Variants in PCDH15 observed in about 807,000 individuals in gnomAD.
The protein encoded by PCDH15 is protocadherin-15.
A neutral mutation model predicts 178.5 loss-of-function variants in PCDH15; 129 were observed. The observed-to-expected ratio is 0.72, with a 90% CI of 0.63 to 0.84. The LOEUF is 0.84. Among genes scored for constraint, PCDH15 ranks in the 40% least tolerant of loss-of-function variants. PCDH15 has a pLI of 0.00. For missense variants in PCDH15, 2,230 were observed against 2,099.9 expected (o/e 1.06, Z -1.21); for synonymous variants, 800 against 732.0 (o/e 1.09, Z -1.50).
chr10:54,827,640 A>C (rs888447609), intron 3 of PCDH15, among the ~76,000 whole-genome samples: 1 of 152,086 alleles, frequency 6.6e-6, no homozygotes, highest in African/African-American at 2.4e-5. Context: ...TCAACATAGA[A>C]GATCTGGCAG....
chr10:54,160,788 A>C (rs1429356179), intron 13 of PCDH15, among the ~76,000 whole-genome samples: 1 of 152,210 alleles, frequency 6.6e-6, no homozygotes, highest in African/African-American at 2.4e-5. Context: ...TAAATGGCTA[A>C]TAAGCACATG....
chr10:55,040,035 A>C (rs118009072), intron 2 of PCDH15, among the ~76,000 whole-genome samples: 3 of 152,192 alleles, frequency 2.0e-5, no homozygotes, highest in Non-Finnish European at 4.4e-5. Context: ...AATTACCCAA[A>C]TTTAACATAA....
At chr10:54,574,830 G>T (rs1487805736) in intron 2 of PCDH15, among the ~76,000 whole-genome samples, 1 of 145,022 alleles carries the variant, frequency 6.9e-6, no homozygotes, top group African/African-American at 2.5e-5. Context: ...AAATCATGCT[G>T]CTATAAAGAC....
At chr10:55,069,398 G>C (rs1358171238) in intron 2 of PCDH15, among the ~76,000 whole-genome samples, 6 of 146,668 alleles carry the variant, frequency 4.1e-5, no homozygotes, top group Non-Finnish European at 7.5e-5. Flanking sequence ...TTTAGCATTA[G>C]GTGTATCTCC....
chr10:55,453,701 C>T (rs1839484509), intron 2 of PCDH15, among the ~76,000 whole-genome samples: 1 of 152,074 alleles, frequency 6.6e-6, no homozygotes, highest in Non-Finnish European at 1.5e-5. Context: ...GACTATAGGG[C>T]CCTTTCCACA....
chr10:54,556,578 CTT>C (rs768469030), intron 2 of PCDH15, among the ~76,000 whole-genome samples: 1 of 141,464 alleles, frequency 7.1e-6, no homozygotes, highest in African/African-American at 2.6e-5. Flanking sequence ...TTACAAAACA[CTT>C]TTTTTTTTTC....
chr10:54,285,398 T>C (rs899966237), intron 8 of PCDH15, among the ~76,000 whole-genome samples: 1 of 151,980 alleles, frequency 6.6e-6, no homozygotes, highest in Non-Finnish European at 1.5e-5. Flanking sequence ...AATAACCTGA[T>C]TAAACAATGG....
chr10:54,229,481 C>T (rs537565360), intron 9 of PCDH15, among the ~76,000 whole-genome samples: 2 of 152,166 alleles, frequency 1.3e-5, no homozygotes, highest in Non-Finnish European at 2.9e-5. Flanking sequence ...TTGGCTGTGT[C>T]CCCACCCAAA....
intron 1 of PCDH15, among the ~76,000 whole-genome samples, chr10:55,284,938 A>G (rs1010931971): frequency 1.3e-5 from 2 of 148,990 alleles, no homozygotes; most frequent in Admixed American, 1.3e-4. Flanking sequence ...AGAAATAGTC[A>G]AAGACGGTAT....
intron 2 of PCDH15, among the ~76,000 whole-genome samples, chr10:54,553,579 G>A (rs2086846442): frequency 6.6e-6 from 1 of 152,124 alleles, no homozygotes; most frequent in Non-Finnish European, 1.5e-5. Flanking sequence ...GGCCAGACAT[G>A]GATCCTGATA....
intron 2 of PCDH15, among the ~76,000 whole-genome samples, chr10:55,019,942 C>CTT (rs34849570): frequency 0.57 from 85,960 of 151,088 alleles, 24,774 homozygotes; most frequent in East Asian, 0.75. Flanking sequence ...AAAAGAAACT[C>CTT]TACTACTCTT....
At chr10:53,927,641 A>G (rs1253674314) in intron 25 of PCDH15, among the ~76,000 whole-genome samples, 1 of 152,128 alleles carries the variant, frequency 6.6e-6, no homozygotes, top group African/African-American at 2.4e-5. Flanking sequence ...CATCAAACAT[A>G]ATTTACTAGA....
intron 32 of PCDH15, among the ~76,000 whole-genome samples, chr10:53,826,094 A>G (rs933038928): frequency 1.3e-5 from 2 of 151,808 alleles, no homozygotes; most frequent in Admixed American, 1.3e-4. Flanking sequence ...TAACATACTC[A>G]AATAGAATCA....
At chr10:54,553,245 G>T (rs1172801332) in intron 2 of PCDH15, among the ~76,000 whole-genome samples, 1 of 152,276 alleles carries the variant, frequency 6.6e-6, no homozygotes, top group African/African-American at 2.4e-5. Flanking sequence ...CTGTGTTCTA[G>T]CTGAGATCCC....
chr10:54,855,096 C>T (rs1021291447), intron 3 of PCDH15, among the ~76,000 whole-genome samples: 3 of 152,186 alleles, frequency 2.0e-5, no homozygotes, highest in South Asian at 2.1e-4. Flanking sequence ...CACACACACC[C>T]GGGCTCGGGC....
At chr10:55,602,500 T>C (rs1412911450) in intron 2 of PCDH15, among the ~76,000 whole-genome samples, 1 of 152,094 alleles carries the variant, frequency 6.6e-6, no homozygotes, top group African/African-American at 2.4e-5. Flanking sequence ...CTGACAGCTT[T>C]GAAGAGAGCA....
chr10:53,903,148 A>C (rs557292233), intron 26 of PCDH15, 95 bp downstream of exon 26: 6 of 1,405,222 alleles, frequency 4.3e-6, no homozygotes, highest in Non-Finnish European at 6.0e-6. Flanking sequence ...TTTATACAGC[A>C]TAAGTATGCA....
chr10:54,529,896 A>C (rs969875033), intron 2 of PCDH15, among the ~76,000 whole-genome samples: 2 of 152,058 alleles, frequency 1.3e-5, no homozygotes, highest in Non-Finnish European at 2.9e-5. Context: ...GCACTCTCTC[A>C]TATGTACACA....
In PCDH15 at chr10:53,806,747, C is replaced by T. The variant is rs201255786; in HGVS notation, c.5055G>A (p.Val1685=). Residue 1685 remains valine (V), a synonymous_variant, in exon 38 of 38, where the codon GTG becomes GTA. Transcript: ENST00000644397. ...TTTTCAGCCTGTTCCTTAGTGGCTTCACCGCTGTATTGTCAGTCCCCACAG... is the reference window on the plus strand; with the variant it reads ...TTTTCAGCCTGTTCCTTAGTGGCTTTACCGCTGTATTGTCAGTCCCCACAG... The part of the protein sequence containing the change: ...PCPVGTDNTA[V]KPLRNRLKST... 4.8e-5 allele frequency: 77 copies of T among 1,613,822 alleles called. No individual in the cohort carries two copies. In the Middle Eastern group the frequency reaches 4.9e-4, roughly 10 times the overall value.
Sources: allele counts gnomAD v4.1 joint callset (sites outside exome capture counted in the v4.1 genomes callset), GRCh38; gene constraint gnomAD v4.1.1; transcripts MANE v1.5; gene names NCBI Gene and HGNC (gene_info 2026-07-23, HGNC 2026-07-21).